The following SMARCC1 variants were observed in gnomAD, a reference collection of about 807,000 sequenced individuals.
The protein encoded by SMARCC1 is SWI/SNF complex subunit SMARCC1.
SMARCC1 carries 43 observed loss-of-function variants against 147.4 expected under a neutral mutation model. That is an observed-to-expected ratio of 0.29 (90% CI 0.23 to 0.38). The LOEUF is 0.38. Among genes scored for constraint, SMARCC1 ranks in the 10% least tolerant of loss-of-function variants. The pLI is 1.00. For missense variants in SMARCC1, 1,119 were observed against 1,381.1 expected, an observed-to-expected ratio of 0.81 and a Z score of 3.01; for synonymous variants, 495 against 484.4, an observed-to-expected ratio of 1.02 and a Z score of -0.29.
At chr3:47,762,331 A>C (rs1367446054) in intron 2 of SMARCC1, among the ~76,000 whole-genome samples, 1 of 152,172 alleles carries the variant, frequency 6.6e-6, no homozygotes. Context: ...TATTCAATCA[A>C]ATGAAAACAG....
intron 21 of SMARCC1, among the ~76,000 whole-genome samples, chr3:47,643,181 C>T (rs781605834): frequency 2.4e-4 from 36 of 152,300 alleles, no homozygotes; most frequent in African/African-American, 7.5e-4. Context: ...TCTTCCTTCA[C>T]GGACAAATTC....
At chr3:47,715,276 ACATCTAACAAG>A (rs2034142160) in intron 7 of SMARCC1, among the ~76,000 whole-genome samples, 1 of 152,122 alleles carries the variant, frequency 6.6e-6, no homozygotes, top group African/African-American at 2.4e-5. Context: ...CTTGTGTAGA[ACATCTAACAAG>A]CATTCCAAAC....
chr3:47,765,078 C>A (rs533200685), intron 2 of SMARCC1, among the ~76,000 whole-genome samples: 4 of 152,156 alleles, frequency 2.6e-5, no homozygotes, highest in Admixed American at 2.6e-4. Flanking sequence ...ATGGAGAAAC[C>A]CTGTCTCTAC....
At chr3:47,597,014 T>C (rs1369813480) in intron 26 of SMARCC1, among the ~76,000 whole-genome samples, 1 of 151,454 alleles carries the variant, frequency 6.6e-6, no homozygotes, top group Admixed American at 6.6e-5. Context: ...ACCAACATGA[T>C]GAAAATAAAA....
intron 10 of SMARCC1, among the ~76,000 whole-genome samples, chr3:47,705,334 A>AC (rs920491399): frequency 6.6e-6 from 1 of 151,478 alleles, no homozygotes; most frequent in African/African-American, 2.4e-5. Flanking sequence ...AAAAAAAAAA[A>AC]AAAAAAAAAC....
At chr3:47,652,772 C>CAA (rs937180529) in intron 21 of SMARCC1, among the ~76,000 whole-genome samples, 1 of 151,766 alleles carries the variant, frequency 6.6e-6, no homozygotes, top group African/African-American at 2.4e-5. Flanking sequence ...CAATGAAAAA[C>CAA]AAAAAATATA....
chr3:47,721,519 GAAGT>G (rs1342677371), intron 6 of SMARCC1, among the ~76,000 whole-genome samples: 1 of 152,070 alleles, frequency 6.6e-6, no homozygotes. Context: ...GAGAAGTTCT[GAAGT>G]AAGCCCCCTT....
chr3:47,597,196 A>G (rs926607326), intron 26 of SMARCC1, among the ~76,000 whole-genome samples: 1 of 151,236 alleles, frequency 6.6e-6, no homozygotes, highest in Non-Finnish European at 1.5e-5. Flanking sequence ...TTGCTCTGTC[A>G]CCCAGGCTGG....
At chr3:47,619,987 T>C (rs1391514954) in intron 25 of SMARCC1, among the ~76,000 whole-genome samples, 2 of 152,214 alleles carry the variant, frequency 1.3e-5, no homozygotes, top group African/African-American at 2.4e-5. Context: ...TAGGCAAATG[T>C]AAATCCTAAA....
chr3:47,638,834 A>G lies in SMARCC1; in HGVS notation c.2321-54T>C. Reference sequence around the variant, plus strand: ...TCCAATGTGGAAAAAGGTAAAAGCTATTATTATACAGCTGTGAGAGTGTCT... The same window carrying G: ...TCCAATGTGGAAAAAGGTAAAAGCTGTTATTATACAGCTGTGAGAGTGTCT... On this transcript the variant is annotated intron_variant, in intron 21 of 27. Transcript: ENST00000254480. 3.4e-6 allele frequency: 4 copies of G among 1,174,076 alleles called. No individual in the cohort carries two copies. In the South Asian group the frequency reaches 4.9e-5, roughly 14 times the overall value. The allele number at this position is 1,174,076 out of a possible 1,614,324, so 72.7% of individuals were successfully genotyped here.
chr3:47,735,896 ACTC>A, intron 5 of SMARCC1, 135 bp downstream of exon 5: 2 of 473,470 alleles, frequency 4.2e-6, no homozygotes, highest in Non-Finnish European at 3.7e-6. Flanking sequence ...AAAAAAAAAA[ACTC>A]AAGAAAAAAA....
chr3:47,717,045 C>T (rs1559652977), intron 7 of SMARCC1, among the ~76,000 whole-genome samples: 1 of 151,870 alleles, frequency 6.6e-6, no homozygotes, highest in Non-Finnish European at 1.5e-5. Context: ...GTAATTAACT[C>T]GAACTACATA....
intron 26 of SMARCC1, among the ~76,000 whole-genome samples, chr3:47,595,901 A>AT (rs2032271219): frequency 6.6e-6 from 1 of 151,450 alleles, no homozygotes; most frequent in South Asian, 2.1e-4. Flanking sequence ...CGCCCAGCTA[A>AT]TTTTTTTATT....
chr3:47,710,053 A>G (rs1259548886), intron 9 of SMARCC1, among the ~76,000 whole-genome samples: 1 of 152,192 alleles, frequency 6.6e-6, no homozygotes, highest in African/African-American at 2.4e-5. Flanking sequence ...GTGGTGGCTC[A>G]TGCCTGTAAT....
At chr3:47,670,825 G>T (rs1282276066) in intron 18 of SMARCC1, 108 bp from the exon 19 acceptor site, 1 of 744,402 alleles carries the variant, frequency 1.3e-6, no homozygotes, top group Non-Finnish European at 2.5e-6. Context: ...AACTATCATG[G>T]TAAGTCTTTG....
At chr3:47,708,083 C>CTTTTTTTCTTTTTTTTTTTT in intron 9 of SMARCC1, among the ~76,000 whole-genome samples, 1 of 64,278 alleles carries the variant, frequency 1.6e-5, no homozygotes, top group Non-Finnish European at 2.7e-5. Context: ...AATTTTTTTT[C>CTTTTTTTCTTTTTTTTTTTT]TTTTTTTTTT....
intron 11 of SMARCC1, among the ~76,000 whole-genome samples, chr3:47,695,495 G>A (rs979978929): frequency 1.4e-4 from 21 of 151,968 alleles, no homozygotes; most frequent in Admixed American, 1.2e-3. Context: ...ATCCGGGCGC[G>A]GTGGCTCATG....
intron 2 of SMARCC1, chr3:47,746,352 G>A (rs2034563876): frequency 6.2e-6 from 1 of 161,930 alleles, no homozygotes; most frequent in African/African-American, 2.4e-5. Flanking sequence ...AGGCTGGGGT[G>A]GGAGGATCAC....
At chr3:47,725,891 G>A (rs1015622183) in intron 6 of SMARCC1, among the ~76,000 whole-genome samples, 3 of 151,398 alleles carry the variant, frequency 2.0e-5, no homozygotes, top group African/African-American at 4.8e-5. Context: ...GTGAAACCCC[G>A]TCTCTACTAA....
Sources: gnomAD v4.1 joint callset for allele counts (sites outside exome capture counted in the v4.1 genomes callset) on GRCh38, gnomAD v4.1.1 for gene constraint, MANE v1.5 for transcripts, NCBI Gene and HGNC (gene_info 2026-07-23, HGNC 2026-07-21) for gene names.